The following UGT2B7 variants were observed in gnomAD, a reference collection of about 807,000 sequenced individuals.
UGT2B7 encodes the protein UDP-glucuronosyltransferase 2B7.
In UGT2B7, 51 loss-of-function variants were observed where a neutral mutation model predicts 51.9. The observed-to-expected ratio is 0.98, with a 90% CI of 0.78 to 1.24. UGT2B7 has a LOEUF of 1.24. Ranked by LOEUF, UGT2B7 falls within the 50% of genes most tolerant of loss-of-function variation. UGT2B7 has a pLI of 0.00. For synonymous variants in UGT2B7, 225 were observed against 211.6 expected (o/e 1.06, Z -0.55); for missense variants, 727 against 628.4 (o/e 1.16, Z -1.68).
chr4:69,057,852 A>G (rs1718241102), intron 1 of UGT2B7, among the ~76,000 whole-genome samples: 1 of 152,158 alleles, frequency 6.6e-6, no homozygotes, highest in Non-Finnish European at 1.5e-5. Context: ...CTCTCTGTGA[A>G]TTAGAATAGC....
At chr4:69,064,112 A>AAGAAAGAGAAAGAAAGAAAGAG (rs754723956) in intron 1 of UGT2B7, among the ~76,000 whole-genome samples, 1 of 86,802 alleles carries the variant, frequency 1.2e-5, no homozygotes, top group Non-Finnish European at 2.2e-5. Flanking sequence ...GAAAGAAAGA[A>AAGAAAGAGAAAGAAAGAAAGAG]AAAGAAAGAA....
intron 1 of UGT2B7, among the ~76,000 whole-genome samples, chr4:69,061,507 C>T (rs1718347280): frequency 6.6e-6 from 1 of 152,166 alleles, no homozygotes. Flanking sequence ...CTTCCAGGGA[C>T]CCCAAGCTAC....
chr4:69,056,030 T>C (rs1221715956), intron 1 of UGT2B7, among the ~76,000 whole-genome samples: 1 of 151,908 alleles, frequency 6.6e-6, no homozygotes, highest in Non-Finnish European at 1.5e-5. Flanking sequence ...ACTAGATATG[T>C]AGACACAGAG....
intron 1 of UGT2B7, among the ~76,000 whole-genome samples, chr4:69,080,249 C>T (rs1230810862): frequency 6.6e-6 from 1 of 152,056 alleles, no homozygotes; most frequent in Non-Finnish European, 1.5e-5. Flanking sequence ...CTTTCTCCCT[C>T]TCTCAAAAAT....
chr4:69,056,358 A>T (rs1718197959), intron 1 of UGT2B7, among the ~76,000 whole-genome samples: 1 of 152,214 alleles, frequency 6.6e-6, no homozygotes, highest in South Asian at 2.1e-4. Flanking sequence ...TCAAGCCTTG[A>T]CTGTTCTTGC....
upstream of UGT2B7, among the ~76,000 whole-genome samples, chr4:69,093,389 C>A (rs2109880759): frequency 6.6e-6 from 1 of 152,298 alleles, no homozygotes; most frequent in South Asian, 2.1e-4. Context: ...CCAGGGAGGC[C>A]CAACACTGCT....
chr4:69,096,900 G>A lies in UGT2B7; in HGVS notation c.380G>A (p.Cys127Tyr), dbSNP rs1227481730. The change falls in exon 1 of 6, where the codon TGT becomes TAT. Residue 127 changes from cysteine to tyrosine, a missense_variant. Physicochemically the swap from Cys to Tyr is radical, Grantham distance 194 (BLOSUM62 -2). Transcript: ENST00000305231. ...SIFGDITRKF[C>Y]KDVVSNKKFM... is the part of the protein sequence containing the mutation. ...TTTGGTGACATAACTAGAAAGTTCT[G>A]TAAAGATGTAGTTTCAAATAAGAAA... 2 of 1,612,330 alleles carry A rather than the reference G, an allele frequency of 1.2e-6. No homozygotes were observed. Among genetic ancestry groups the A allele is most frequent in the Middle Eastern group, 1.7e-4 (1 of 6,056 alleles).
chr4:69,062,736 T>G (rs1718376744), intron 1 of UGT2B7, among the ~76,000 whole-genome samples: 1 of 152,096 alleles, frequency 6.6e-6, no homozygotes, highest in South Asian at 2.1e-4. Flanking sequence ...GGTGGAAGCT[T>G]GAGAAAATAG....
chr4:69,094,464 A>G (rs1190141401), upstream of UGT2B7, among the ~76,000 whole-genome samples: 3 of 152,138 alleles, frequency 2.0e-5, 1 homozygote, highest in South Asian at 6.2e-4. Flanking sequence ...TAAGGCATAT[A>G]AAAAGTTATG....
intron 1 of UGT2B7, among the ~76,000 whole-genome samples, chr4:69,081,426 C>T (rs1008912062): frequency 3.3e-5 from 5 of 152,070 alleles, no homozygotes; most frequent in Non-Finnish European, 7.4e-5. Flanking sequence ...GAGTGGCTTG[C>T]TAAAGAAACA....
chr4:69,096,151 G>A (rs892630595), upstream of UGT2B7, among the ~76,000 whole-genome samples: 1 of 152,128 alleles, frequency 6.6e-6, no homozygotes, highest in East Asian at 1.9e-4. Context: ...ACCATGTTTA[G>A]TCATTTAATC....
At chr4:69,070,811 A>G (rs1718584538) in intron 1 of UGT2B7, among the ~76,000 whole-genome samples, 1 of 152,128 alleles carries the variant, frequency 6.6e-6, no homozygotes, top group Non-Finnish European at 1.5e-5. Flanking sequence ...TCCATGACAT[A>G]GTGCACATAT....
At chr4:69,064,035 A>G (rs1014775119) in intron 1 of UGT2B7, among the ~76,000 whole-genome samples, 1 of 86,852 alleles carries the variant, frequency 1.2e-5, no homozygotes, top group African/African-American at 6.9e-5. Context: ...AAAGAAAGAA[A>G]GAAAGAAAGA....
In UGT2B7 at chr4:69,096,960, T is replaced by A; in HGVS notation, c.440T>A (p.Val147Asp). 6.2e-7 allele frequency: 1 copy of A among 1,613,600 alleles called. No homozygotes were observed. The highest frequency in any genetic ancestry group is 1.7e-5 in the Admixed American group (1 of 59,896). Residue 147 changes from valine to aspartate, a missense_variant, in exon 1 of 6, where the codon GTC becomes GAC. Coordinates refer to ENST00000305231, the MANE Select transcript of UGT2B7 (RefSeq NM_001074.4). ...AAAGTACAAGAGTCAAGATTTGACG[T>A]CATTTTTGCAGATGCTATTTTTCCC... is the stretch of plus-strand genomic sequence containing the variant. ...MKKVQESRFD[V>D]IFADAIFPCS...
At chr4:69,092,198 C>T (rs1719100408), upstream of UGT2B7, among the ~76,000 whole-genome samples, 1 of 152,146 alleles carries the variant, frequency 6.6e-6, no homozygotes, top group Non-Finnish European at 1.5e-5. Flanking sequence ...TCTTGCCTCC[C>T]AAAGTTCTGG....
At chr4:69,084,441 GA>G (rs1182395669) in intron 1 of UGT2B7, among the ~76,000 whole-genome samples, 1 of 151,770 alleles carries the variant, frequency 6.6e-6, no homozygotes, top group Non-Finnish European at 1.5e-5. Context: ...AAATATTTGG[GA>G]AAAAATGGAT....
At chr4:69,098,434 C>T (rs1374317833) in intron 1 of UGT2B7, 106 bp from the exon 2 acceptor site, 1 of 1,316,678 alleles carries the variant, frequency 7.6e-7, no homozygotes, top group Non-Finnish European at 1.0e-6. Flanking sequence ...TTTCAAAGCA[C>T]AGATATTTGC....
rs1413167578 is a variant in UGT2B7 at position 69,074,293 on chromosome 4, A to G, written c.-158-15179A>G. 2.6e-5 allele frequency among the ~76,000 whole-genome samples: 4 copies of G among 152,016 alleles called. No individual in the cohort carries two copies. In the East Asian group the frequency reaches 5.8e-4, roughly 22 times the overall value. On this transcript the variant is annotated intron_variant, in intron 1 of 5. Transcript: ENST00000502942. ...GAGGTTGAGGCTCAAGTGAGTTGTG[A>G]TCATACCACTGCACTCCAGCCTGGA... is the stretch of plus-strand genomic sequence containing the variant.
chr4:69,104,889 C>T (rs1488004843), intron 3 of UGT2B7, among the ~76,000 whole-genome samples: 1 of 152,174 alleles, frequency 6.6e-6, no homozygotes, highest in East Asian at 1.9e-4. Flanking sequence ...TGTAATCCAG[C>T]CTCTTGTACT....
Sources: gnomAD v4.1 joint callset for allele counts (sites outside exome capture counted in the v4.1 genomes callset) on GRCh38, gnomAD v4.1.1 for gene constraint, MANE v1.5 for transcripts, NCBI Gene and HGNC (gene_info 2026-07-23, HGNC 2026-07-21) for gene names.